The following COL8A1 variants were observed in gnomAD, a reference collection of about 807,000 sequenced individuals.
COL8A1 encodes collagen type VIII alpha 1 chain.
COL8A1 carries 21 observed loss-of-function variants against 42.7 expected under a neutral mutation model. That is an observed-to-expected ratio of 0.49 (90% confidence interval 0.35 to 0.71). The LOEUF (loss-of-function observed/expected upper bound fraction) is 0.71, where lower values mean the gene tolerates loss of function less well. Among genes scored for constraint, COL8A1 ranks in the 30% least tolerant of loss-of-function variants. The pLI is 0.01. For synonymous variants in COL8A1, 367 were observed against 369.1 expected, an observed-to-expected ratio of 0.99 and a Z score of 0.06; for missense variants, 788 against 962.4, an observed-to-expected ratio of 0.82 and a Z score of 2.40.
chr3:99,700,192 G>A lies in COL8A1; in HGVS notation c.-128-44705G>A, dbSNP rs146416195. Among the ~76,000 whole-genome samples the A allele has an allele frequency of 2.1e-3, 326 of 152,050 alleles. 3 individuals carry two copies. Among genetic ancestry groups the A allele is most frequent in the Non-Finnish European group, 3.6e-3 (248 of 68,008 alleles). On this transcript the variant is annotated intron_variant, in intron 1 of 3. Coordinates refer to ENST00000652472, the MANE Select transcript of COL8A1 (RefSeq NM_020351.4). ...AGCTCAGAGATCCTGGTGGAAACTC[G>A]CTCATTTTTATAGATGCAGAGCATG...
chr3:99,777,884 C>G (rs1941723579), intron 2 of COL8A1, among the ~76,000 whole-genome samples: 1 of 152,082 alleles, frequency 6.6e-6, no homozygotes, highest in South Asian at 2.1e-4. Flanking sequence ...TTTATTGCTA[C>G]ATAAGGGAAA....
At chr3:99,743,498 G>A (rs551721411) in intron 1 of COL8A1, among the ~76,000 whole-genome samples, 100 of 152,236 alleles carry the variant, frequency 6.6e-4, no homozygotes, top group African/African-American at 2.3e-3. Context: ...CAGTCATTTC[G>A]CAGATAGAAG....
In COL8A1 at chr3:99,702,279, C is replaced by T. The variant is rs372118638; in HGVS notation, c.-128-42618C>T. ...ATAATGGGAGAAATAGAGCCTTGGT[C>T]TGAGTATCAGAAAGCCCACAAAAAG... On this transcript the variant is annotated intron_variant, in intron 1 of 3. Coordinates refer to ENST00000652472, the MANE Select transcript of COL8A1 (RefSeq NM_020351.4). 3.3e-5 allele frequency among the ~76,000 whole-genome samples: 5 copies of T among 152,144 alleles called. No homozygotes were observed. The East Asian group carries it at 9.6e-4, about 29-fold the overall frequency.
chr3:99,783,665 T>C (rs910696542), intron 2 of COL8A1, among the ~76,000 whole-genome samples: 1 of 152,188 alleles, frequency 6.6e-6, no homozygotes, highest in African/African-American at 2.4e-5. Context: ...AAGAAACTTA[T>C]AATCATGATG....
At chr3:99,754,077 A>G (rs547728120) in intron 2 of COL8A1, among the ~76,000 whole-genome samples, 1 of 152,356 alleles carries the variant, frequency 6.6e-6, no homozygotes, top group African/African-American at 2.4e-5. Flanking sequence ...TTTATTAAGT[A>G]TACACTGAAT....
At chr3:99,705,643 A>G (rs1289729781) in intron 1 of COL8A1, among the ~76,000 whole-genome samples, 5 of 152,186 alleles carry the variant, frequency 3.3e-5, no homozygotes, top group Admixed American at 1.3e-4. Flanking sequence ...TACATGACAG[A>G]TCAATTTATA....
intron 1 of COL8A1, among the ~76,000 whole-genome samples, chr3:99,732,945 C>T (rs943357176): frequency 2.6e-5 from 4 of 152,056 alleles, no homozygotes; most frequent in East Asian, 3.9e-4. Flanking sequence ...GACTACAGGC[C>T]GCATGCAAGT....
intron 1 of COL8A1, among the ~76,000 whole-genome samples, chr3:99,645,296 G>A (rs1937621538): frequency 6.6e-6 from 1 of 151,462 alleles, no homozygotes; most frequent in South Asian, 2.1e-4. Context: ...TTGTTAAATG[G>A]CAGACATAAG....
intron 1 of COL8A1, among the ~76,000 whole-genome samples, chr3:99,661,629 A>G (rs889301059): frequency 5.3e-5 from 8 of 152,234 alleles, no homozygotes; most frequent in African/African-American, 1.9e-4. Context: ...TATATGCTCC[A>G]AAGAACTGAA....
intron 2 of COL8A1, among the ~76,000 whole-genome samples, chr3:99,761,656 T>TC (rs1386636388): frequency 6.6e-6 from 1 of 152,116 alleles, no homozygotes; most frequent in Non-Finnish European, 1.5e-5. Context: ...TGCACAAGTT[T>TC]CCCCAGGAAC....
At chr3:99,649,805 A>T (rs143799114) in intron 1 of COL8A1, among the ~76,000 whole-genome samples, 1 of 152,044 alleles carries the variant, frequency 6.6e-6, no homozygotes, top group East Asian at 1.9e-4. Flanking sequence ...ACACACACAC[A>T]TACACATACA....
intron 1 of COL8A1, among the ~76,000 whole-genome samples, chr3:99,644,645 A>C (rs574476561): frequency 6.6e-6 from 1 of 152,342 alleles, no homozygotes; most frequent in Non-Finnish European, 1.5e-5. Flanking sequence ...GCTAAGCATC[A>C]CTGTGAAAAC....
chr3:99,745,283 T>A (rs1384085996), intron 2 of COL8A1, among the ~76,000 whole-genome samples: 2 of 152,212 alleles, frequency 1.3e-5, no homozygotes, highest in Non-Finnish European at 2.9e-5. Flanking sequence ...GCATGTTGAA[T>A]AGAGTCTTAA....
intron 1 of COL8A1, among the ~76,000 whole-genome samples, chr3:99,684,862 T>C (rs866958871): frequency 6.6e-6 from 1 of 152,124 alleles, no homozygotes; most frequent in Non-Finnish European, 1.5e-5. Flanking sequence ...AATGGAAATA[T>C]TTTTGGACTG....
rs555145606 is a variant in COL8A1, at chr3:99,790,629, C to A, written c.-3-51C>A. On this transcript the variant is annotated intron_variant, in intron 2 of 3. Coordinates refer to ENST00000652472, the MANE Select transcript of COL8A1 (RefSeq NM_020351.4). ...ATTCTATCTCTAAATAAACTCAAGT[C>A]ACTTGGCCTTGCAGAGTTTCACCAA... The A allele has an allele frequency of 6.7e-6, 10 of 1,483,244 alleles. No individual in the cohort carries two copies. In the African/African-American group the frequency reaches 1.2e-4, roughly 18 times the overall value. The allele number at this position is 1,483,244 out of a possible 1,614,324, so 91.9% of individuals were successfully genotyped here. A position where few individuals can be genotyped will look rare whatever the true frequency, so the allele number is the denominator to read the frequency against.
intron 1 of COL8A1, among the ~76,000 whole-genome samples, chr3:99,693,892 C>T (rs540405805): frequency 1.3e-5 from 2 of 152,280 alleles, no homozygotes; most frequent in African/African-American, 4.8e-5. Context: ...ATGTAAAGTG[C>T]CCTATACAGG....
intron 1 of COL8A1, among the ~76,000 whole-genome samples, chr3:99,660,120 G>T (rs2107300160): frequency 6.6e-6 from 1 of 152,276 alleles, no homozygotes; most frequent in Admixed American, 6.5e-5. Flanking sequence ...TTCCAACCCG[G>T]AATCACGCAG....
intron 1 of COL8A1, among the ~76,000 whole-genome samples, chr3:99,681,000 G>A (rs989566144): frequency 6.6e-6 from 1 of 152,010 alleles, no homozygotes; most frequent in Non-Finnish European, 1.5e-5. Context: ...AAGATGGATT[G>A]AAGACTTAAA....
At chr3:99,793,924 G>C (rs1050722622) in intron 3 of COL8A1, among the ~76,000 whole-genome samples, 4 of 152,010 alleles carry the variant, frequency 2.6e-5, no homozygotes, top group Non-Finnish European at 5.9e-5. Context: ...GCTAATTTTT[G>C]TATTTTTAGT....
Sources: gnomAD v4.1 joint callset for allele counts (sites outside exome capture counted in the v4.1 genomes callset) on GRCh38, gnomAD v4.1.1 for gene constraint, MANE v1.5 for transcripts, NCBI Gene and HGNC (gene_info 2026-07-23, HGNC 2026-07-21) for gene names.